The following LSP1 variants were observed in gnomAD, a reference collection of about 807,000 sequenced individuals.
The protein encoded by LSP1 is lymphocyte specific protein 1, also known as lymphocyte-specific protein 1.
Under a neutral mutation model 49.3 loss-of-function variants are expected in LSP1, and 32 were observed. That is an observed-to-expected ratio of 0.65 (90% CI 0.49 to 0.87). The LOEUF (loss-of-function observed/expected upper bound fraction) is 0.87, where lower values mean the gene tolerates loss of function less well. Among genes scored for constraint, LSP1 ranks in the 40% least tolerant of loss-of-function variants. LSP1 has a pLI of 0.00. For missense variants in LSP1, 428 were observed against 442.6 expected (o/e 0.97, Z 0.30); for synonymous variants, 179 against 178.8 (o/e 1.00, Z -0.01).
At chr11:1,871,962 C>T (rs1195769698) in intron 1 of LSP1, among the ~76,000 whole-genome samples, 2 of 144,108 alleles carry the variant, frequency 1.4e-5, no homozygotes, top group Non-Finnish European at 3.0e-5. Context: ...CTGTAGTCAC[C>T]CTGGCGCACG....
At chr11:1,854,584 G>A (rs1156327142) in intron 1 of LSP1, among the ~76,000 whole-genome samples, 1 of 152,194 alleles carries the variant, frequency 6.6e-6, no homozygotes. Flanking sequence ...GCCACTGAAG[G>A]GACCCCGAGT....
chr11:1,887,255 A>G lies in LSP1; in HGVS notation c.871A>G (p.Met291Val). 1 of 1,590,306 alleles carries G rather than the reference A, an allele frequency of 6.3e-7. No individual in the cohort carries two copies. Among genetic ancestry groups the G allele is most frequent in the Non-Finnish European group, 8.6e-7 (1 of 1,166,152 alleles). The change falls in exon 9 of 11, where the codon ATG (methionine) becomes GTG (valine). Residue 291 changes from methionine (M) to valine (V), a missense_variant. Physicochemically the swap from Met to Val is conservative, Grantham distance 21. Transcript: ENST00000311604. The stretch of plus-strand genomic sequence containing the variant: ...CCCCCAGGATATTGTGGCTGGAGAC[A>G]TGAGCAAGAAAAGCCTCTGGGAGCA... ...PSCKDIVAGD[M>V]SKKSLWEQKG...
intron 10 of LSP1, chr11:1,890,673 G>C (rs1848964071): frequency 1.6e-6 from 1 of 638,570 alleles, no homozygotes; most frequent in Admixed American, 2.3e-5. Context: ...GGTCCAAGGA[G>C]GACCTGGGGC....
intron 10 of LSP1, chr11:1,889,859 A>C (rs1002859192): frequency 1.6e-6 from 1 of 631,890 alleles, no homozygotes; most frequent in African/African-American, 1.8e-5. Context: ...GGGGCTCCTC[A>C]GGCAAGGGAC....
chr11:1,854,926 C>T (rs1354618684), intron 1 of LSP1, among the ~76,000 whole-genome samples: 4 of 152,256 alleles, frequency 2.6e-5, no homozygotes, highest in Non-Finnish European at 4.4e-5. Flanking sequence ...CTGGATCCCC[C>T]GGGCCAGGAG....
intron 10 of LSP1, chr11:1,890,702 A>T (rs1848965015): frequency 1.6e-6 from 1 of 612,038 alleles, no homozygotes. Context: ...TGGAGGCCTG[A>T]GTATTCTGCT....
chr11:1,873,521 G>C (rs1299259974), intron 1 of LSP1, among the ~76,000 whole-genome samples: 3 of 151,314 alleles, frequency 2.0e-5, no homozygotes, highest in Non-Finnish European at 4.4e-5. Context: ...AGGGAGGGAG[G>C]GAGGAAGGAG....
intron 1 of LSP1, among the ~76,000 whole-genome samples, chr11:1,865,013 C>G (rs531205617): frequency 1.3e-5 from 2 of 151,340 alleles, no homozygotes; most frequent in African/African-American, 4.9e-5. Context: ...CAGGGCAGAG[C>G]GCCAAGGAAG....
At chr11:1,871,541 T>C in intron 1 of LSP1, 1 of 916,530 alleles carries the variant, frequency 1.1e-6, no homozygotes, top group Non-Finnish European at 1.3e-6. Context: ...GTAGAGGGGT[T>C]GGGGGAAACC....
Position 1,884,581 on chromosome 11 carries a change from G to A in LSP1, c.717G>A (p.Glu239=). The A allele has an allele frequency of 6.2e-7, 1 of 1,613,446 alleles. No individual in the cohort carries two copies. Among genetic ancestry groups the A allele is most frequent in the Non-Finnish European group, 8.5e-7 (1 of 1,179,542 alleles). ...QWLEQYTQAI[E]TAGRTPKLAR... ...TGGAACAATACACCCAGGCCATCGA[G>A]GTATGACCTGGCTCCCCTCTGCTGT... Residue 239 remains glutamate (E), a splice_region_variant and synonymous_variant, in exon 7 of 11, where the codon GAG becomes GAA. Coordinates refer to ENST00000311604, the MANE Select transcript of LSP1 (RefSeq NM_002339.3). The surrounding 1 kb of genome is among the most constrained non-coding windows in gnomAD (Gnocchi z 4.1).
Position 1,886,747 on chromosome 11 carries a change from C to G in LSP1, c.733C>G (p.Pro245Ala), listed in dbSNP as rs1337630668. The change falls in exon 8 of 11, where the codon CCC becomes GCC. Residue 245 changes from proline to alanine, a missense_variant. By Grantham distance (27) the Pro-to-Ala change is conservative (BLOSUM62 -1). Coordinates refer to ENST00000311604, the MANE Select transcript of LSP1 (RefSeq NM_002339.3). ...TQAIETAGRT[P>A]KLARQASIEL... is the part of the protein sequence containing the mutation. Reference sequence around the variant, plus strand: ...TCCTCTGCAGACCGCTGGCCGGACCCCCAAGCTAGCCCGCCAGGCCTCCAT... The same window carrying G: ...TCCTCTGCAGACCGCTGGCCGGACCGCCAAGCTAGCCCGCCAGGCCTCCAT... The G allele has an allele frequency of 1.2e-6, 2 of 1,610,678 alleles. No homozygotes were observed. Among genetic ancestry groups the G allele is most frequent in the East Asian group, 4.5e-5 (2 of 44,850 alleles).
In LSP1 at chr11:1,886,840, T is replaced by A; in HGVS notation, c.826T>A (p.Ser276Thr). 2 of 1,611,670 alleles carry A rather than the reference T, an allele frequency of 1.2e-6. No homozygotes were observed. Among genetic ancestry groups the A allele is most frequent in the Non-Finnish European group, 1.7e-6 (2 of 1,179,772 alleles). ...RWETGEVQAQ[S>T]AAKTPSCKDI... ...GGAGACGGGTGAGGTACAGGCTCAG[T>A]CTGCGGCCAAGACTCCGTCCTGCAA... The change falls in exon 8 of 11, where the codon TCT (serine) becomes ACT (threonine). Residue 276 changes from serine to threonine, a missense_variant. Ser to Thr is a moderately conservative substitution (Grantham distance 58). Transcript: ENST00000311604.
At chr11:1,864,278 C>G (rs1432769503) in intron 1 of LSP1, 1 of 984,606 alleles carries the variant, frequency 1.0e-6, no homozygotes, top group African/African-American at 1.8e-5. Flanking sequence ...CAAGAACGGC[C>G]GACGAAGGAG....
At chr11:1,876,647 T>A in intron 1 of LSP1, 1 of 982,478 alleles carries the variant, frequency 1.0e-6, no homozygotes. Flanking sequence ...AGGACGGAGG[T>A]GGGTAGCTGG....
rs2089910 is a variant in LSP1, at chr11:1,853,174, C to T, written c.30C>T (p.Ala10=). 0.24 allele frequency: 385,912 copies of T among 1,610,092 alleles called. 48,041 individuals are homozygous for T. Among genetic ancestry groups the T allele is most frequent in the East Asian group, 0.45 (19,940 of 44,682 alleles). ...CGGAGGCTTCGAGTGACCCGGGTGC[C>T]GAGGAGCGGGAAGAGTTGCTGGGGT... MAEASSDPG[A]EEREELLGPT... Residue 10 remains alanine (A), a synonymous_variant, in exon 1 of 11, where the codon GCC becomes GCT. Coordinates refer to ENST00000311604, the MANE Select transcript of LSP1 (RefSeq NM_002339.3).
At chr11:1,853,342 T>C in intron 1 of LSP1, 145 bp downstream of exon 1, 2 of 824,054 alleles carry the variant, frequency 2.4e-6, no homozygotes, top group Non-Finnish European at 3.7e-6. Flanking sequence ...ATGGGGAAAC[T>C]GGGGACCCAC....
chr11:1,873,079 A>G (rs1371383924), intron 1 of LSP1, among the ~76,000 whole-genome samples: 1 of 150,580 alleles, frequency 6.6e-6, no homozygotes, highest in African/African-American at 2.4e-5. Context: ...GCAGGGAGAG[A>G]TGGAGGCAGG....
At chr11:1,878,444 C>T (rs567372516) in intron 1 of LSP1, among the ~76,000 whole-genome samples, 1 of 152,102 alleles carries the variant, frequency 6.6e-6, no homozygotes, top group African/African-American at 2.4e-5. Context: ...GTTGAAGGCA[C>T]TTCTGAGGAG....
intron 1 of LSP1, among the ~76,000 whole-genome samples, chr11:1,874,567 C>G (rs981370902): frequency 6.6e-6 from 1 of 152,060 alleles, no homozygotes; most frequent in South Asian, 2.1e-4. Flanking sequence ...AAGAAGGGGC[C>G]GGGGCTGGTC....
Sources: allele counts gnomAD v4.1 joint callset (sites outside exome capture counted in the v4.1 genomes callset), GRCh38; gene constraint gnomAD v4.1.1; non-coding constraint Gnocchi (gnomAD v3.1); transcripts MANE v1.5; gene names NCBI Gene and HGNC (gene_info 2026-07-23, HGNC 2026-07-21).